Variants in MAF observed in about 807,000 individuals in gnomAD.
The protein encoded by MAF is MAF bZIP transcription factor.
In MAF, 10 loss-of-function variants were observed where a neutral mutation model predicts 22.0. The ratio of observed to expected loss-of-function variants is 0.45; its 90% CI spans 0.28 to 0.77. MAF has a LOEUF of 0.77. Ranked by LOEUF, MAF falls within the 30% of genes least tolerant of loss-of-function variation. MAF has a pLI of 0.12. For missense variants in MAF, 544 were observed against 548.4 expected, an observed-to-expected ratio of 0.99 and a Z score of 0.08; for synonymous variants, 337 against 255.8, an observed-to-expected ratio of 1.32 and a Z score of -3.03.
chr16:79,333,909 T>C, the MAF span, among the ~76,000 whole-genome samples: 2 of 152,170 alleles, frequency 1.3e-5, no homozygotes, highest in East Asian at 3.8e-4. Flanking sequence ...CAGAAACCTA[T>C]CTGATGCCGG....
the MAF span, among the ~76,000 whole-genome samples, chr16:79,268,588 A>T: frequency 6.6e-6 from 1 of 152,228 alleles, no homozygotes; most frequent in Non-Finnish European, 1.5e-5. Flanking sequence ...AACAACAGAC[A>T]TAGAGTTGTT....
the MAF span, chr16:79,212,065 G>T: frequency 6.5e-7 from 1 of 1,536,472 alleles, no homozygotes; most frequent in Non-Finnish European, 8.7e-7. Flanking sequence ...CCTGCTTGGT[G>T]TGTAGGTTCC....
the MAF span, among the ~76,000 whole-genome samples, chr16:79,265,478 G>A: frequency 6.6e-6 from 1 of 150,502 alleles, no homozygotes; most frequent in Non-Finnish European, 1.5e-5. Flanking sequence ...CCTTATCCAA[G>A]TACGATATGT....
the MAF span, among the ~76,000 whole-genome samples, chr16:79,465,666 T>A: frequency 3.4e-4 from 52 of 152,316 alleles, no homozygotes; most frequent in East Asian, 6.0e-3. Context: ...ATTATTTTTT[T>A]AAATCAGACT....
the MAF span, among the ~76,000 whole-genome samples, chr16:79,460,601 A>G: frequency 6.6e-6 from 1 of 152,186 alleles, no homozygotes; most frequent in Non-Finnish European, 1.5e-5. Context: ...TTGCTTATTA[A>G]TTCTTCCATG....
At chr16:79,588,004 G>T (rs1031423888) in intron 1 of MAF, among the ~76,000 whole-genome samples, 3 of 152,144 alleles carry the variant, frequency 2.0e-5, no homozygotes, top group Non-Finnish European at 4.4e-5. Context: ...TCACATCGGG[G>T]TAAGAGAGAT....
At chr16:79,471,172 G>C in the MAF span, among the ~76,000 whole-genome samples, 2 of 152,220 alleles carry the variant, frequency 1.3e-5, no homozygotes, top group African/African-American at 2.4e-5. Context: ...CATACCTGCA[G>C]GGTAAGATGG....
At chr16:79,349,544 C>T in the MAF span, among the ~76,000 whole-genome samples, 1 of 152,190 alleles carries the variant, frequency 6.6e-6, no homozygotes, top group South Asian at 2.1e-4. Context: ...TAACCACCAG[C>T]AGACACCAGA....
the MAF span, among the ~76,000 whole-genome samples, chr16:79,425,623 A>T: frequency 1.3e-5 from 2 of 151,844 alleles, no homozygotes; most frequent in Non-Finnish European, 2.9e-5. Context: ...ACCAAACCAA[A>T]CCAAATCACC....
At chr16:79,295,357 C>T in the MAF span, among the ~76,000 whole-genome samples, 5 of 152,064 alleles carry the variant, frequency 3.3e-5, no homozygotes, top group South Asian at 6.2e-4. Flanking sequence ...AGCACAGCCA[C>T]GTGGTGGAAG....
chr16:79,469,461 C>A, the MAF span, among the ~76,000 whole-genome samples: 2 of 152,088 alleles, frequency 1.3e-5, no homozygotes, highest in African/African-American at 4.8e-5. Flanking sequence ...CAATTTCCTC[C>A]TCTATAAGTA....
the MAF span, among the ~76,000 whole-genome samples, chr16:79,210,606 G>C: frequency 2.4e-4 from 36 of 152,152 alleles, no homozygotes; most frequent in Non-Finnish European, 4.7e-4. Flanking sequence ...GATGCAGCTA[G>C]GGCTCTGAAA....
the MAF span, among the ~76,000 whole-genome samples, chr16:79,441,085 T>C: frequency 3.1e-3 from 471 of 152,364 alleles, 2 homozygotes; most frequent in African/African-American, 0.01. Flanking sequence ...CATGTATTAA[T>C]AGAATCTCTT....
the MAF span, among the ~76,000 whole-genome samples, chr16:79,570,170 AG>A: frequency 1.3e-5 from 2 of 152,126 alleles, no homozygotes; most frequent in Non-Finnish European, 2.9e-5. Context: ...CATATCTGCA[AG>A]GTAAAGGAAT....
the MAF span, among the ~76,000 whole-genome samples, chr16:79,557,123 C>G: frequency 2.0e-5 from 3 of 151,866 alleles, no homozygotes; most frequent in Admixed American, 2.0e-4. Context: ...CACGTACAAG[C>G]TCTTCTCAGC....
chr16:79,556,987 A>C, the MAF span, among the ~76,000 whole-genome samples: 1 of 151,384 alleles, frequency 6.6e-6, no homozygotes, highest in Non-Finnish European at 1.5e-5. Flanking sequence ...AAGCTTTAAA[A>C]AAAAAAAAAA....
chr16:79,466,911 G>C, the MAF span, among the ~76,000 whole-genome samples: 2 of 152,194 alleles, frequency 1.3e-5, no homozygotes, highest in Non-Finnish European at 2.9e-5. Flanking sequence ...GTGTGGAAGA[G>C]GGGACCACGG....
intron 1 of MAF, chr16:79,596,198 G>GC: frequency 1.4e-5 from 15 of 1,061,708 alleles, no homozygotes; most frequent in Non-Finnish European, 1.7e-5. Context: ...CCACTGTTTT[G>GC]TTTTGTTTTT....
the MAF span, among the ~76,000 whole-genome samples, chr16:79,485,928 G>T: frequency 6.6e-6 from 1 of 152,144 alleles, no homozygotes; most frequent in East Asian, 1.9e-4. Flanking sequence ...CCAATAATGG[G>T]ATAGATTTTT....
Sources: gnomAD v4.1 joint callset for allele counts (sites outside exome capture counted in the v4.1 genomes callset) on GRCh38, gnomAD v4.1.1 for gene constraint, MANE v1.5 for transcripts, NCBI Gene and HGNC (gene_info 2026-07-23, HGNC 2026-07-21) for gene names.